The following CDIN1 variants were observed in gnomAD, a reference collection of about 807,000 sequenced individuals.
CDIN1 encodes CDAN1-interacting nuclease 1.
A neutral mutation model predicts 45.3 loss-of-function variants in CDIN1; 33 were observed. The observed-to-expected ratio is 0.73, with a 90% CI of 0.55 to 0.97. The LOEUF is 0.97. Ranked by LOEUF, CDIN1 falls within the 50% of genes least tolerant of loss-of-function variation. The probability of loss-of-function intolerance (pLI) is 0.00; values close to 1 mark genes in which losing one functional copy is unlikely to be tolerated. For synonymous variants in CDIN1, 118 were observed against 124.4 expected (o/e 0.95, Z 0.34); for missense variants, 303 against 339.4 (o/e 0.89, Z 0.84).
At chr15:36,740,020 G>A (rs10152836) in intron 10 of CDIN1, among the ~76,000 whole-genome samples, 2,333 of 152,194 alleles carry the variant, frequency 0.015, 68 homozygotes, top group African/African-American at 0.053. Flanking sequence ...GGGCTTGCCC[G>A]AAAGTTTCAC....
intron 10 of CDIN1, among the ~76,000 whole-genome samples, chr15:36,742,963 G>A (rs1269212220): frequency 6.6e-6 from 1 of 152,198 alleles, no homozygotes; most frequent in Non-Finnish European, 1.5e-5. Flanking sequence ...CATGAGTTGA[G>A]TCATAAGAAA....
intron 10 of CDIN1, among the ~76,000 whole-genome samples, chr15:36,748,257 A>G (rs1341068733): frequency 6.6e-6 from 1 of 152,262 alleles, no homozygotes; most frequent in Non-Finnish European, 1.5e-5. Flanking sequence ...GATGGAAAGT[A>G]TCTGTAAGTA....
chr15:36,731,243 A>G (rs774588488), intron 10 of CDIN1, among the ~76,000 whole-genome samples: 1 of 152,140 alleles, frequency 6.6e-6, no homozygotes, highest in Non-Finnish European at 1.5e-5. Context: ...TATCACTCAT[A>G]TATAGATAGG....
At chr15:36,679,961 G>A (rs772167053) in intron 5 of CDIN1, among the ~76,000 whole-genome samples, 1 of 152,178 alleles carries the variant, frequency 6.6e-6, no homozygotes, top group African/African-American at 2.4e-5. Flanking sequence ...TAATGAGCAT[G>A]TTGAGAAATT....
chr15:36,730,033 T>C (rs765859650), intron 10 of CDIN1, among the ~76,000 whole-genome samples: 8 of 152,212 alleles, frequency 5.3e-5, no homozygotes, highest in Non-Finnish European at 1.2e-4. Context: ...GACATCTTTG[T>C]TCCCACTAAC....
chr15:36,636,508 T>G (rs1042807479), intron 1 of CDIN1, among the ~76,000 whole-genome samples: 31 of 152,006 alleles, frequency 2.0e-4, no homozygotes, highest in African/African-American at 7.3e-4. Context: ...GCCGAGATGG[T>G]GCCACTGTGC....
chr15:36,685,071 C>T lies in CDIN1; in HGVS notation c.347-6614C>T, dbSNP rs573670411. On this transcript the variant is annotated intron_variant, in intron 5 of 10. Coordinates refer to ENST00000566621, the MANE Select transcript of CDIN1 (RefSeq NM_001321759.2). ...ATTTTTTGAAGGGCTTTTTGTGTCT[C>T]TATTTCCTTCAGTTCTGCTCTGATT... 7.5e-4 allele frequency among the ~76,000 whole-genome samples: 114 copies of T among 151,960 alleles called. 1 individual carries two copies. Among genetic ancestry groups the T allele is most frequent in the Admixed American group, 1.9e-3 (29 of 15,254 alleles).
chr15:36,611,831 G>C (rs961922797), intron 1 of CDIN1, among the ~76,000 whole-genome samples: 7 of 152,120 alleles, frequency 4.6e-5, no homozygotes, highest in African/African-American at 1.7e-4. Flanking sequence ...TTCACCAATG[G>C]TGTTTGTGAA....
intron 3 of CDIN1, among the ~76,000 whole-genome samples, chr15:36,645,658 A>G (rs2040296948): frequency 6.6e-6 from 1 of 152,172 alleles, no homozygotes; most frequent in South Asian, 2.1e-4. Flanking sequence ...TATATTTGAA[A>G]GTTCTCAAAC....
intron 8 of CDIN1, among the ~76,000 whole-genome samples, chr15:36,700,071 G>C (rs1031254219): frequency 2.6e-5 from 4 of 152,136 alleles, no homozygotes; most frequent in Non-Finnish European, 4.4e-5. Flanking sequence ...TGAAGTGTCT[G>C]CTTTCATGGG....
chr15:36,713,353 G>A (rs1294505502), intron 10 of CDIN1, among the ~76,000 whole-genome samples: 2 of 152,150 alleles, frequency 1.3e-5, no homozygotes, highest in African/African-American at 4.8e-5. Context: ...GTTCTCATTA[G>A]AGACATCTCT....
At chr15:36,808,174 GT>G in intron 10 of CDIN1, 149 bp from the exon 11 acceptor site, 1 of 975,266 alleles carries the variant, frequency 1.0e-6, no homozygotes, top group East Asian at 2.5e-5. Flanking sequence ...TTTGGTATAA[GT>G]TTGGCTATTT....
At chr15:36,592,710 A>C (rs2037638776) in intron 1 of CDIN1, among the ~76,000 whole-genome samples, 1 of 152,104 alleles carries the variant, frequency 6.6e-6, no homozygotes, top group Non-Finnish European at 1.5e-5. Context: ...ATTATGGTAC[A>C]TTCATAATGG....
chr15:36,690,962 C>T (rs2042226993), intron 5 of CDIN1, among the ~76,000 whole-genome samples: 1 of 152,110 alleles, frequency 6.6e-6, no homozygotes, highest in Non-Finnish European at 1.5e-5. Context: ...TCAGATGCCT[C>T]CCTTAGTGCC....
intron 10 of CDIN1, 53 bp downstream of exon 10, chr15:36,710,014 A>C: frequency 6.0e-4 from 792 of 1,310,608 alleles, no homozygotes; most frequent in Non-Finnish European, 7.5e-4. Context: ...CTGAAATCTC[A>C]TTAGAAAAAA....
Position 36,808,646 on chromosome 15 carries a change from A to G in CDIN1, c.*193A>G. 3 of 687,180 alleles carry G rather than the reference A, an allele frequency of 4.4e-6. No individual in the cohort carries two copies. In the South Asian group the frequency reaches 5.7e-5, roughly 13 times the overall value. The allele number at this position is 687,180 out of a possible 1,614,324, so 42.6% of individuals were successfully genotyped here. ...TTTCCTTCATCCCTTGCTGATGTGA[A>G]CAGCCAAGAACTACAGACACAACCC... On this transcript the variant is annotated 3_prime_UTR_variant, in exon 11 of 11. Coordinates refer to ENST00000566621, the MANE Select transcript of CDIN1 (RefSeq NM_001321759.2).
At chr15:36,737,182 C>A (rs12907794) in intron 10 of CDIN1, among the ~76,000 whole-genome samples, 75,704 of 147,812 alleles carry the variant, frequency 0.51, 19,540 homozygotes, top group East Asian at 0.66. Flanking sequence ...AAAAAAAAAA[C>A]AAAAATTGCT....
chr15:36,591,246 T>C (rs1428989237), intron 1 of CDIN1, among the ~76,000 whole-genome samples: 1 of 152,222 alleles, frequency 6.6e-6, no homozygotes, highest in East Asian at 1.9e-4. Flanking sequence ...AAAAAATTTG[T>C]TTCTGTCTAC....
At chr15:36,778,375 T>C (rs920365839) in intron 10 of CDIN1, among the ~76,000 whole-genome samples, 1 of 152,212 alleles carries the variant, frequency 6.6e-6, no homozygotes, top group East Asian at 1.9e-4. Context: ...CTCCTTTTTA[T>C]GGGTACTTAT....
Sources: allele counts gnomAD v4.1 joint callset (sites outside exome capture counted in the v4.1 genomes callset), GRCh38; gene constraint gnomAD v4.1.1; transcripts MANE v1.5; gene names NCBI Gene and HGNC (gene_info 2026-07-23, HGNC 2026-07-21).